TRDN: variants seen among roughly 807,000 people sequenced by gnomAD.
TRDN encodes the protein triadin, also known as triadin in skeletal muscle.
In TRDN, 161 loss-of-function variants were observed where a neutral mutation model predicts 149.7. The ratio of observed to expected loss-of-function variants is 1.08; its 90% confidence interval spans 0.95 to 1.23. TRDN has a LOEUF of 1.23. Ranked by LOEUF, TRDN falls within the 50% of genes most tolerant of loss-of-function variation. The pLI is 0.00. For missense variants in TRDN, 896 were observed against 823.5 expected (o/e 1.09, Z -1.08); for synonymous variants, 294 against 250.5 (o/e 1.17, Z -1.64).
chr6:123,433,170 T>TATATATATATAC, intron 12 of TRDN, among the ~76,000 whole-genome samples: 1 of 92,110 alleles, frequency 1.1e-5, no homozygotes, highest in Non-Finnish European at 2.4e-5. Flanking sequence ...ATAATATATA[T>TATATATATATAC]ATATATATAT....
At chr6:123,363,175 G>A (rs1210996433) in intron 20 of TRDN, among the ~76,000 whole-genome samples, 1 of 152,006 alleles carries the variant, frequency 6.6e-6, no homozygotes, top group South Asian at 2.1e-4. Context: ...GAACAATTTT[G>A]TAATATCTTA....
At chr6:123,300,467 A>G (rs1004552322) in intron 24 of TRDN, among the ~76,000 whole-genome samples, 4 of 151,936 alleles carry the variant, frequency 2.6e-5, no homozygotes, top group Non-Finnish European at 5.9e-5. Context: ...TTCTCTTGGA[A>G]GAAAGGATGT....
intron 24 of TRDN, among the ~76,000 whole-genome samples, chr6:123,301,644 T>C (rs1275415168): frequency 6.6e-6 from 1 of 150,828 alleles, no homozygotes; most frequent in East Asian, 1.9e-4. Flanking sequence ...ATAAATGTCC[T>C]TGAACTAACA....
At chr6:123,511,079 C>A (rs978987923) in intron 7 of TRDN, among the ~76,000 whole-genome samples, 14 of 152,114 alleles carry the variant, frequency 9.2e-5, no homozygotes, top group African/African-American at 3.4e-4. Flanking sequence ...AAAGTGTTTC[C>A]CCAATGTTTT....
intron 10 of TRDN, chr6:123,456,769 T>C (rs1776148784): frequency 4.4e-6 from 2 of 455,616 alleles, no homozygotes; most frequent in Middle Eastern, 3.3e-4. Flanking sequence ...CTTTATTAAA[T>C]GAGCAATTTC....
chr6:123,249,098 C>G (rs1776286323), intron 38 of TRDN, among the ~76,000 whole-genome samples: 2 of 152,044 alleles, frequency 1.3e-5, no homozygotes, highest in South Asian at 2.1e-4. Context: ...ATCACATCAA[C>G]AGATTGAAGG....
chr6:123,617,131 C>T (rs1785132607), intron 1 of TRDN, among the ~76,000 whole-genome samples: 1 of 152,040 alleles, frequency 6.6e-6, no homozygotes, highest in Admixed American at 6.6e-5. Flanking sequence ...TGTCAGCTTT[C>T]TATTAATAGG....
intron 5 of TRDN, among the ~76,000 whole-genome samples, chr6:123,520,791 A>G (rs555989659): frequency 1.2e-3 from 184 of 152,276 alleles, no homozygotes; most frequent in Non-Finnish European, 2.0e-3. Context: ...AACATTCACT[A>G]TGGACACTGT....
chr6:123,403,680 G>A (rs1456414594), intron 12 of TRDN, among the ~76,000 whole-genome samples: 1 of 152,128 alleles, frequency 6.6e-6, no homozygotes, highest in African/African-American at 2.4e-5. Context: ...ATACACAGCT[G>A]TTTCCTAGAA....
intron 1 of TRDN, among the ~76,000 whole-genome samples, chr6:123,584,472 T>G (rs1311997375): frequency 6.6e-6 from 1 of 152,094 alleles, no homozygotes; most frequent in African/African-American, 2.4e-5. Flanking sequence ...GTGTAAGAAT[T>G]CTGACCGCAC....
At chr6:123,531,800 C>T (rs1780266462) in intron 4 of TRDN, among the ~76,000 whole-genome samples, 1 of 152,032 alleles carries the variant, frequency 6.6e-6, no homozygotes, top group Non-Finnish European at 1.5e-5. Flanking sequence ...CCAAATTTTA[C>T]TCTACAGCAG....
chr6:123,410,251 G>A (rs981178476), intron 12 of TRDN, among the ~76,000 whole-genome samples: 24 of 152,228 alleles, frequency 1.6e-4, no homozygotes, highest in African/African-American at 4.8e-4. Context: ...CAAAGGCTGC[G>A]GAGTCCAAGA....
At position 123,327,104 on chromosome 6, in the gene TRDN, A is replaced by G. The variant is rs546477165; in HGVS notation, c.1471+4775T>C. 1.3e-4 allele frequency among the ~76,000 whole-genome samples: 20 copies of G among 152,012 alleles called. 1 individual carries two copies. Among genetic ancestry groups the G allele is most frequent in the Admixed American group, 3.9e-4 (6 of 15,252 alleles). ...GCGCAAATATGAGAGCGGAATTTAA[A>G]TTTTTTCCTACATGAGAAACAAGTG... On this transcript the variant is annotated intron_variant, in intron 23 of 40. Transcript: ENST00000334268.
intron 31 of TRDN, 143 bp downstream of exon 31, chr6:123,269,706 G>T (rs1777139410): frequency 2.8e-6 from 2 of 704,510 alleles, no homozygotes; most frequent in Admixed American, 3.3e-5. Context: ...CAATTAAATA[G>T]CAATAACATT....
intron 2 of TRDN, 124 bp from the exon 3 acceptor site, chr6:123,548,736 A>G: frequency 1.2e-6 from 1 of 865,102 alleles, no homozygotes; most frequent in Non-Finnish European, 1.6e-6. Context: ...AACATTCTAA[A>G]TATCTCCTGG....
At chr6:123,221,346 C>A in intron 40 of TRDN, 141 bp downstream of exon 40, 1 of 424,840 alleles carries the variant, frequency 2.4e-6, no homozygotes, top group South Asian at 5.0e-5. Context: ...TATAAATGAC[C>A]TACTTTAATG....
At chr6:123,322,986 T>C (rs1779305860) in intron 23 of TRDN, among the ~76,000 whole-genome samples, 1 of 152,116 alleles carries the variant, frequency 6.6e-6, no homozygotes. Flanking sequence ...GGACAGGGAA[T>C]ATGTCTTTTC....
At chr6:123,348,550 A>G (rs1450769727) in intron 21 of TRDN, among the ~76,000 whole-genome samples, 1 of 152,096 alleles carries the variant, frequency 6.6e-6, no homozygotes, top group Non-Finnish European at 1.5e-5. Context: ...GTGGAAAGCT[A>G]ATCTGTAAAT....
At chr6:123,399,005 A>G (rs1772849552) in intron 12 of TRDN, among the ~76,000 whole-genome samples, 1 of 152,210 alleles carries the variant, frequency 6.6e-6, no homozygotes, top group African/African-American at 2.4e-5. Flanking sequence ...GAATCTAAGT[A>G]GCTTTTACCT....
Sources: allele counts gnomAD v4.1 joint callset (sites outside exome capture counted in the v4.1 genomes callset), GRCh38; gene constraint gnomAD v4.1.1; transcripts MANE v1.5; gene names NCBI Gene and HGNC (gene_info 2026-07-23, HGNC 2026-07-21).